KIF6: variants seen among roughly 807,000 people sequenced by gnomAD.
The protein encoded by KIF6 is kinesin-like protein KIF6.
KIF6 carries 106 observed loss-of-function variants against 112.7 expected under a neutral mutation model. That is an observed-to-expected ratio of 0.94 (90% CI 0.80 to 1.11). The LOEUF (loss-of-function observed/expected upper bound fraction) is 1.11, where lower values mean the gene tolerates loss of function less well. Among genes scored for constraint, KIF6 ranks in the 50% least tolerant of loss-of-function variants. KIF6 has a pLI of 0.00. For missense variants in KIF6, 929 were observed against 964.0 expected (o/e 0.96, Z 0.48); for synonymous variants, 339 against 339.9 (o/e 1.00, Z 0.03).
chr6:39,530,246 C>T (rs1038785272), intron 13 of KIF6, among the ~76,000 whole-genome samples: 3 of 152,310 alleles, frequency 2.0e-5, no homozygotes, highest in Admixed American at 6.5e-5. Context: ...TTTCATTTCA[C>T]CTTTTAAAAT....
intron 13 of KIF6, among the ~76,000 whole-genome samples, chr6:39,446,438 T>C (rs1772319352): frequency 1.3e-5 from 2 of 152,242 alleles, no homozygotes; most frequent in African/African-American, 4.8e-5. Flanking sequence ...ACAAGATTTC[T>C]TGACTGAATA....
chr6:39,409,314 C>A (rs1228818282), intron 15 of KIF6, among the ~76,000 whole-genome samples: 1 of 152,184 alleles, frequency 6.6e-6, no homozygotes. Context: ...AAGTCCCTGG[C>A]CACCCTTTTG....
intron 10 of KIF6, among the ~76,000 whole-genome samples, chr6:39,573,378 A>T (rs1582167072): frequency 1.3e-5 from 2 of 152,334 alleles, no homozygotes; most frequent in East Asian, 3.9e-4. Flanking sequence ...AAGATGATAA[A>T]AGACTCTTAA....
At chr6:39,370,525 T>C (rs1023514914) in intron 16 of KIF6, among the ~76,000 whole-genome samples, 13 of 152,214 alleles carry the variant, frequency 8.5e-5, no homozygotes, top group African/African-American at 3.1e-4. Context: ...TTATCATATA[T>C]TGGAGTCAAA....
intron 3 of KIF6, among the ~76,000 whole-genome samples, chr6:39,641,269 T>C (rs1288238741): frequency 1.3e-5 from 2 of 152,158 alleles, no homozygotes; most frequent in African/African-American, 4.8e-5. Flanking sequence ...TAAAATATTC[T>C]AGGCATTATC....
intron 3 of KIF6, among the ~76,000 whole-genome samples, chr6:39,674,558 T>C (rs114600122): frequency 0.02 from 3,045 of 152,046 alleles, 48 homozygotes; most frequent in Non-Finnish European, 0.027. Context: ...CTGAGCAAGT[T>C]GACTAAGAAC....
intron 15 of KIF6, among the ~76,000 whole-genome samples, chr6:39,400,965 T>G (rs1354288376): frequency 6.6e-6 from 1 of 152,220 alleles, no homozygotes; most frequent in Non-Finnish European, 1.5e-5. Flanking sequence ...ACGTCAACAG[T>G]CCTTTGTGGG....
intron 6 of KIF6, among the ~76,000 whole-genome samples, chr6:39,602,648 C>T (rs1245025558): frequency 2.0e-5 from 3 of 152,094 alleles, no homozygotes; most frequent in African/African-American, 4.8e-5. Context: ...TTTTTAAGTC[C>T]ATGGAATATA....
At chr6:39,361,025 C>G (rs1001744209) in intron 17 of KIF6, among the ~76,000 whole-genome samples, 1 of 152,146 alleles carries the variant, frequency 6.6e-6, no homozygotes, top group African/African-American at 2.4e-5. Context: ...GGTTCTAGAA[C>G]CACAGTCTTA....
chr6:39,567,243 T>C (rs529403283), intron 10 of KIF6, among the ~76,000 whole-genome samples: 1 of 152,170 alleles, frequency 6.6e-6, no homozygotes, highest in African/African-American at 2.4e-5. Context: ...ACCCCATCAA[T>C]CCTCGTAAGA....
At chr6:39,620,465 C>T (rs1783751170) in intron 5 of KIF6, 1 of 152,130 alleles carries the variant, frequency 6.6e-6, no homozygotes, top group Non-Finnish European at 1.5e-5. Flanking sequence ...AGGTAAATAG[C>T]TTTATACACC....
chr6:39,539,503 C>G (rs1012017388), intron 13 of KIF6, among the ~76,000 whole-genome samples: 1 of 152,040 alleles, frequency 6.6e-6, no homozygotes, highest in Non-Finnish European at 1.5e-5. Context: ...ACCACCACGC[C>G]CAGCTAATTT....
At chr6:39,370,440 CTG>C (rs1765880115) in intron 16 of KIF6, among the ~76,000 whole-genome samples, 1 of 152,222 alleles carries the variant, frequency 6.6e-6, no homozygotes, top group Non-Finnish European at 1.5e-5. Context: ...CTTCATCAAG[CTG>C]TCTCCCTCTT....
chr6:39,673,173 C>A (rs1464029649), intron 3 of KIF6, among the ~76,000 whole-genome samples: 1 of 152,166 alleles, frequency 6.6e-6, no homozygotes, highest in South Asian at 2.1e-4. Flanking sequence ...AGTGCCAGTT[C>A]AACAAACCAG....
intron 13 of KIF6, among the ~76,000 whole-genome samples, chr6:39,525,543 C>T (rs1777668298): frequency 1.3e-5 from 2 of 152,140 alleles, no homozygotes; most frequent in African/African-American, 4.8e-5. Context: ...TCACCTGAGG[C>T]CAGGAGTTCG....
intron 10 of KIF6, among the ~76,000 whole-genome samples, chr6:39,556,642 T>C (rs777588155): frequency 6.8e-6 from 1 of 146,918 alleles, no homozygotes; most frequent in Non-Finnish European, 1.5e-5. Context: ...AGACGGCCGG[T>C]GGGAGAACAA....
At chr6:39,671,677 C>T (rs910558328) in intron 3 of KIF6, among the ~76,000 whole-genome samples, 1 of 152,222 alleles carries the variant, frequency 6.6e-6, no homozygotes, top group Non-Finnish European at 1.5e-5. Flanking sequence ...GTCCCCACAT[C>T]TTTGTTTTGT....
chr6:39,602,273 T>C (rs1782623800), intron 6 of KIF6, among the ~76,000 whole-genome samples: 1 of 152,082 alleles, frequency 6.6e-6, no homozygotes, highest in Non-Finnish European at 1.5e-5. Context: ...GGGGTGAAAA[T>C]TGAAAAACCT....
chr6:39,404,804 T>G (rs1300394622), intron 15 of KIF6, among the ~76,000 whole-genome samples: 1 of 152,052 alleles, frequency 6.6e-6, no homozygotes, highest in East Asian at 1.9e-4. Context: ...TCCATAAACA[T>G]TTTTTTGCCT....
Sources: gnomAD v4.1 joint callset for allele counts (sites outside exome capture counted in the v4.1 genomes callset) on GRCh38, gnomAD v4.1.1 for gene constraint, MANE v1.5 for transcripts, NCBI Gene and HGNC (gene_info 2026-07-23, HGNC 2026-07-21) for gene names.